The following ACTN1 variants were observed in gnomAD, a reference collection of about 807,000 sequenced individuals.
ACTN1 encodes actinin alpha 1.
A neutral mutation model predicts 119.6 loss-of-function variants in ACTN1; 30 were observed. That is an observed-to-expected ratio of 0.25 (90% confidence interval 0.19 to 0.34). ACTN1 has a LOEUF of 0.34. Among genes scored for constraint, ACTN1 ranks in the 10% least tolerant of loss-of-function variants. The pLI, the probability that ACTN1 is intolerant of heterozygous loss-of-function variation, is 1.00. For missense variants in ACTN1, 764 were observed against 1,223.4 expected, an observed-to-expected ratio of 0.62 and a Z score of 5.60; for synonymous variants, 429 against 472.6, an observed-to-expected ratio of 0.91 and a Z score of 1.20.
At chr14:68,897,542 CA>C (rs2032968965) in intron 8 of ACTN1, among the ~76,000 whole-genome samples, 1 of 152,302 alleles carries the variant, frequency 6.6e-6, no homozygotes, top group South Asian at 2.1e-4. Flanking sequence ...AAGGTGACAT[CA>C]AAACACCCAA....
chr14:68,902,661 T>C (rs1256372070), intron 7 of ACTN1, 99 bp from the exon 8 acceptor site: 23 of 1,016,700 alleles, frequency 2.3e-5, no homozygotes, highest in Non-Finnish European at 3.3e-5. Flanking sequence ...CCAAGTCTTC[T>C]TGCCAAAATG....
In ACTN1 at chr14:68,883,075, T is replaced by G; in HGVS notation, c.1636-20A>C. The stretch of plus-strand genomic sequence containing the variant: ...CAGTCCCTGGACAGAGATGGGAATA[T>G]GTGGGCAAGAGGAACAAAGGGAGCG... On this transcript the variant is annotated intron_variant, in intron 14 of 21. Transcript: ENST00000394419. The G allele has an allele frequency of 6.2e-7, 1 of 1,611,594 alleles. No individual in the cohort carries two copies. The highest frequency in any genetic ancestry group is 8.5e-7 in the Non-Finnish European group (1 of 1,178,280).
chr14:68,875,149 A>G (rs2030750699), intron 21 of ACTN1, 132 bp from the exon 22 acceptor site: 5 of 1,535,804 alleles, frequency 3.3e-6, no homozygotes, highest in East Asian at 2.4e-5. Context: ...TCCTGTAACT[A>G]CAGGATGTAC....
At chr14:68,899,215 CCA>C (rs147917036) in intron 8 of ACTN1, among the ~76,000 whole-genome samples, 15,664 of 134,786 alleles carry the variant, frequency 0.12, 1,132 homozygotes, top group South Asian at 0.2. Context: ...CCCCTCCACA[CCA>C]CACACCACAC....
At chr14:68,946,941 G>A (rs2035964922) in intron 1 of ACTN1, among the ~76,000 whole-genome samples, 1 of 152,188 alleles carries the variant, frequency 6.6e-6, no homozygotes, top group South Asian at 2.1e-4. Flanking sequence ...CAGGGCCTCA[G>A]GCCAGCCCCT....
At chr14:68,978,857 G>T (rs959801971) in intron 1 of ACTN1, 95 bp downstream of exon 1, 25 of 819,546 alleles carry the variant, frequency 3.1e-5, no homozygotes, top group Non-Finnish European at 4.2e-5. Context: ...GCCCGGAACC[G>T]GTTCAGAGCC....
intron 4 of ACTN1, among the ~76,000 whole-genome samples, chr14:68,911,800 G>A (rs2034024804): frequency 6.6e-6 from 1 of 152,192 alleles, no homozygotes; most frequent in Non-Finnish European, 1.5e-5. Context: ...GGAGCAAAGT[G>A]GAGGACGGGG....
intron 1 of ACTN1, among the ~76,000 whole-genome samples, chr14:68,951,935 T>C (rs1424166277): frequency 6.6e-6 from 1 of 152,248 alleles, no homozygotes; most frequent in African/African-American, 2.4e-5. Flanking sequence ...AGCGCAGCCT[T>C]GTGAACTTCC....
intron 1 of ACTN1, among the ~76,000 whole-genome samples, chr14:68,968,307 G>A (rs1207322517): frequency 2.0e-5 from 3 of 152,210 alleles, no homozygotes; most frequent in African/African-American, 4.8e-5. Flanking sequence ...AGTCCCACCT[G>A]CCACCTACAA....
rs77189893 is a variant in ACTN1, at chr14:68,925,218, G to A, written c.220+340C>T. Among the ~76,000 whole-genome samples the A allele has an allele frequency of 0.028, 4,217 of 151,606 alleles. 201 individuals carry two copies. The highest frequency in any genetic ancestry group is 0.095 in the African/African-American group (3,946 of 41,376). On this transcript the variant is annotated intron_variant, in intron 2 of 21. Coordinates refer to ENST00000394419, the MANE Select transcript of ACTN1 (RefSeq NM_001130004.2). This position sits in a 1 kb window ranked among gnomAD's most constrained non-coding sequence, Gnocchi z 4.3. ...TCACCTGGATACAGGTAGATAAGTAGTAATGGAGCCAAGATTTGGAGACAG... is the reference window on the plus strand; with the variant it reads ...TCACCTGGATACAGGTAGATAAGTAATAATGGAGCCAAGATTTGGAGACAG...
At chr14:68,933,616 A>G (rs2035339208) in intron 1 of ACTN1, among the ~76,000 whole-genome samples, 1 of 152,166 alleles carries the variant, frequency 6.6e-6, no homozygotes. Flanking sequence ...CCCGGGGCAG[A>G]AGCAGCTCCT....
At chr14:68,956,883 G>T (rs757050685) in intron 1 of ACTN1, among the ~76,000 whole-genome samples, 5 of 152,042 alleles carry the variant, frequency 3.3e-5, no homozygotes, top group Non-Finnish European at 7.4e-5. Context: ...GAGAGACAAA[G>T]CGGGTAGAGT....
chr14:68,931,650 C>A (rs1231530702), intron 1 of ACTN1, among the ~76,000 whole-genome samples: 1 of 152,084 alleles, frequency 6.6e-6, no homozygotes, highest in Non-Finnish European at 1.5e-5. Flanking sequence ...CCTCCATCTC[C>A]ACATCTGTAA....
chr14:68,874,717 C>G lies in ACTN1; in HGVS notation c.*142G>C, dbSNP rs1253103741. 1.3e-6 allele frequency: 1 copy of G among 776,496 alleles called. No homozygotes were observed. The highest frequency in any genetic ancestry group is 1.8e-6 in the Non-Finnish European group (1 of 545,322). 48.1% of individuals were successfully genotyped at this position (776,496 alleles called of 1,614,324 possible). On this transcript the variant is annotated 3_prime_UTR_variant, in exon 22 of 22. Coordinates refer to ENST00000394419, the MANE Select transcript of ACTN1 (RefSeq NM_001130004.2). ...ATTTTGTAAACTGTCACTTCGCGGG[C>G]AGGGAGGATCGATGCCACGTGGGCC...
At chr14:68,924,028 T>C (rs758656024) in intron 2 of ACTN1, among the ~76,000 whole-genome samples, 4 of 152,100 alleles carry the variant, frequency 2.6e-5, no homozygotes, top group Non-Finnish European at 5.9e-5. Context: ...AAAGGAGAAA[T>C]ACTGTATGAT....
intron 11 of ACTN1, chr14:68,887,932 T>G (rs2032157122): frequency 1.1e-6 from 1 of 894,132 alleles, no homozygotes; most frequent in African/African-American, 1.7e-5. Flanking sequence ...TCCCTTTTGT[T>G]TGCACTTTTT....
At chr14:68,939,630 C>T (rs534582072) in intron 1 of ACTN1, among the ~76,000 whole-genome samples, 7 of 152,066 alleles carry the variant, frequency 4.6e-5, no homozygotes, top group Admixed American at 2.0e-4. Context: ...GGGCTGGGAA[C>T]GGAGGAGTTG....
chr14:68,899,268 G>C (rs1346098588), intron 8 of ACTN1, among the ~76,000 whole-genome samples: 1 of 98,234 alleles, frequency 1.0e-5, no homozygotes, highest in African/African-American at 4.1e-5. Flanking sequence ...ACACCCACAT[G>C]CCACACCTCA....
intron 1 of ACTN1, among the ~76,000 whole-genome samples, chr14:68,938,753 C>T (rs1307919004): frequency 6.6e-6 from 1 of 152,204 alleles, no homozygotes; most frequent in Non-Finnish European, 1.5e-5. Context: ...ATCAGGAGCC[C>T]AGTCAATGTC....
Sources: allele counts gnomAD v4.1 joint callset (sites outside exome capture counted in the v4.1 genomes callset), GRCh38; gene constraint gnomAD v4.1.1; non-coding constraint Gnocchi (gnomAD v3.1); transcripts MANE v1.5; gene names NCBI Gene and HGNC (gene_info 2026-07-23, HGNC 2026-07-21).